The following SKIC3 variants were observed in gnomAD, a reference collection of about 807,000 sequenced individuals.
The protein encoded by SKIC3 is SKI3 subunit of superkiller complex.
chr5:95,522,351 T>C, the SKIC3 span: 36 of 1,600,210 alleles, frequency 2.2e-5, no homozygotes, highest in Non-Finnish European at 2.6e-5. Context: ...TATGGAACTA[T>C]CTCCAAATCT....
At chr5:95,545,200 T>C in the SKIC3 span, among the ~76,000 whole-genome samples, 1 of 152,156 alleles carries the variant, frequency 6.6e-6, no homozygotes, top group Admixed American at 6.5e-5. Context: ...AACCTAGTGC[T>C]GAAGGAAACA....
At chr5:95,527,988 GAAGAAAA>G in the SKIC3 span, 2 of 1,612,824 alleles carry the variant, frequency 1.2e-6, no homozygotes, top group Admixed American at 1.7e-5. Flanking sequence ...AACTAGAGTT[GAAGAAAA>G]AAACTTGACA....
At chr5:95,530,181 A>T in the SKIC3 span, 3 of 1,613,638 alleles carry the variant, frequency 1.9e-6, no homozygotes, top group East Asian at 6.7e-5. Flanking sequence ...TTTTGAATCC[A>T]TTTCCACTAA....
chr5:95,531,750 C>T, the SKIC3 span, among the ~76,000 whole-genome samples: 38,743 of 152,050 alleles, frequency 0.25, 6,730 homozygotes, highest in African/African-American at 0.49. Context: ...TTAAAGACCA[C>T]AGGTCTACAA....
At chr5:95,514,741 T>C in the SKIC3 span, 1 of 1,038,436 alleles carries the variant, frequency 9.6e-7, no homozygotes, top group Non-Finnish European at 1.4e-6. Flanking sequence ...GCACAGTGAC[T>C]GGCACAAAGT....
the SKIC3 span, among the ~76,000 whole-genome samples, chr5:95,534,407 C>T: frequency 2.0e-5 from 3 of 152,104 alleles, no homozygotes; most frequent in East Asian, 1.9e-4. Flanking sequence ...ATCCCCTCTG[C>T]GGGCTTCACT....
chr5:95,516,901 T>G, the SKIC3 span: 2 of 1,570,002 alleles, frequency 1.3e-6, no homozygotes, highest in Non-Finnish European at 1.7e-6. Flanking sequence ...TATAAAAAAT[T>G]TATTTATACC....
the SKIC3 span, chr5:95,522,222 T>G: frequency 6.2e-7 from 1 of 1,613,904 alleles, no homozygotes; most frequent in Non-Finnish European, 8.5e-7. Flanking sequence ...AAGGCTGTTG[T>G]GTAGCCTCCT....
At chr5:95,488,904 C>T in the SKIC3 span, among the ~76,000 whole-genome samples, 13 of 151,990 alleles carry the variant, frequency 8.6e-5, no homozygotes, top group African/African-American at 3.1e-4. Context: ...CAACACACAT[C>T]AATGACAACC....
At chr5:95,490,878 T>C in the SKIC3 span, 75 of 1,612,870 alleles carry the variant, frequency 4.7e-5, no homozygotes, top group Non-Finnish European at 7.6e-6. Flanking sequence ...CTGAATTAAA[T>C]CATGTATAAA....
chr5:95,494,990 G>T, the SKIC3 span: 1 of 1,613,690 alleles, frequency 6.2e-7, no homozygotes, highest in South Asian at 1.1e-5. Context: ...TCCAGAATAT[G>T]AGCCACATTT....
At chr5:95,500,420 T>C in the SKIC3 span, among the ~76,000 whole-genome samples, 1 of 152,176 alleles carries the variant, frequency 6.6e-6, no homozygotes, top group Non-Finnish European at 1.5e-5. Flanking sequence ...AAAATCAAAA[T>C]AATATCTGAC....
At chr5:95,540,824 G>C in the SKIC3 span, 38 of 1,613,790 alleles carry the variant, frequency 2.4e-5, no homozygotes, top group South Asian at 3.7e-4. Context: ...TGCCATGTTC[G>C]AGCCACCTAT....
the SKIC3 span, among the ~76,000 whole-genome samples, chr5:95,508,693 T>A: frequency 6.6e-6 from 1 of 152,234 alleles, no homozygotes. Context: ...TCATCACAGA[T>A]GTTTATTAGC....
At chr5:95,467,758 T>C in the SKIC3 span, 2 of 1,483,110 alleles carry the variant, frequency 1.3e-6, no homozygotes, top group Admixed American at 4.4e-5. Flanking sequence ...AATTCAATCA[T>C]AAAAGTGAAG....
At chr5:95,497,453 G>A in the SKIC3 span, 1 of 1,613,616 alleles carries the variant, frequency 6.2e-7, no homozygotes, top group South Asian at 1.1e-5. Flanking sequence ...AACAACTCGA[G>A]ACAACAGAGA....
At chr5:95,543,475 A>C in the SKIC3 span, 15 of 900,934 alleles carry the variant, frequency 1.7e-5, no homozygotes, top group Non-Finnish European at 1.0e-5. Context: ...ATCTGGTTTC[A>C]GTTTCCTCAG....
the SKIC3 span, among the ~76,000 whole-genome samples, chr5:95,474,597 C>T: frequency 6.6e-6 from 1 of 152,116 alleles, no homozygotes; most frequent in Admixed American, 6.5e-5. Context: ...TGCTATGTGC[C>T]CTGGGGATGA....
the SKIC3 span, chr5:95,490,890 A>G: frequency 1.9e-5 from 31 of 1,613,704 alleles, 1 homozygote; most frequent in East Asian, 6.7e-4. Context: ...ATGTATAAAG[A>G]TGCTTTTAAA....
Sources: allele counts gnomAD v4.1 joint callset (sites outside exome capture counted in the v4.1 genomes callset), GRCh38; gene constraint gnomAD v4.1.1; transcripts MANE v1.5; gene names NCBI Gene and HGNC (gene_info 2026-07-23, HGNC 2026-07-21).